Variants in TTC28 observed in about 807,000 individuals in gnomAD.
TTC28 encodes the protein tetratricopeptide repeat domain 28.
In TTC28, 61 loss-of-function variants were observed where a neutral mutation model predicts 198.0. The observed-to-expected ratio is 0.31, with a 90% CI of 0.25 to 0.38. The LOEUF (loss-of-function observed/expected upper bound fraction) is 0.38. TTC28 is among the 10% of genes least tolerant of loss of function. The pLI is 1.00. For missense variants in TTC28, 2,678 were observed against 3,164.0 expected, an observed-to-expected ratio of 0.85 and a Z score of 3.69; for synonymous variants, 1,171 against 1,297.8, an observed-to-expected ratio of 0.90 and a Z score of 2.10.
intron 2 of TTC28, among the ~76,000 whole-genome samples, chr22:28,417,567 C>T (rs150597407): frequency 5.9e-5 from 9 of 152,192 alleles, no homozygotes; most frequent in East Asian, 3.9e-4. Flanking sequence ...CTGACTTAGA[C>T]GACTCAGGAA....
chr22:28,130,723 G>C (rs1009365464), intron 6 of TTC28, among the ~76,000 whole-genome samples: 1 of 152,218 alleles, frequency 6.6e-6, no homozygotes, highest in Admixed American at 6.5e-5. Flanking sequence ...TGCTGCATGA[G>C]TGGACTGGAT....
intron 1 of TTC28, among the ~76,000 whole-genome samples, chr22:28,675,758 C>CACACACAT (rs1184781256): frequency 2.0e-5 from 3 of 151,464 alleles, no homozygotes; most frequent in Non-Finnish European, 4.4e-5. Context: ...CACACACACA[C>CACACACAT]ACACACACAC....
Position 27,983,035 on chromosome 22 carries a change from G to A in TTC28, c.6632C>T (p.Thr2211Ile), listed in dbSNP as rs1286433881. Reference protein sequence around the residue: ...SSTAVFRASETSAFSRPVLSH... With the variant: ...SSTAVFRASEISAFSRPVLSH... ...GAGAACAGGCCTGCTGAACGCACTGGTTTCTGACGCTCTGAAGACAGCAGT... is the reference window on the plus strand; with the variant it reads ...GAGAACAGGCCTGCTGAACGCACTGATTTCTGACGCTCTGAAGACAGCAGT... Residue 2211 changes from threonine to isoleucine, a missense_variant, in exon 23 of 23, where the codon ACC becomes ATC. Physicochemically the swap from Thr to Ile is moderately conservative, Grantham distance 89. Transcript: ENST00000397906. 6.4e-7 allele frequency: 1 copy of A among 1,551,688 alleles called. No individual in the cohort carries two copies. Among genetic ancestry groups the A allele is most frequent in the South Asian group, 1.2e-5 (1 of 84,060 alleles).
At chr22:28,036,039 A>G (rs553588758) in intron 12 of TTC28, among the ~76,000 whole-genome samples, 1 of 152,270 alleles carries the variant, frequency 6.6e-6, no homozygotes, top group South Asian at 2.1e-4. Context: ...GTCAATAATA[A>G]TGGGAGACTT....
At chr22:28,596,094 G>C (rs956603446) in intron 2 of TTC28, among the ~76,000 whole-genome samples, 4 of 152,130 alleles carry the variant, frequency 2.6e-5, no homozygotes, top group Non-Finnish European at 5.9e-5. Context: ...AATTGAAATA[G>C]AATGATGTGA....
chr22:28,203,662 A>C, intron 5 of TTC28, among the ~76,000 whole-genome samples: 1 of 152,142 alleles, frequency 6.6e-6, no homozygotes, highest in African/African-American at 2.4e-5. Context: ...AACGTGCAGA[A>C]GATTTTTTAA....
chr22:28,164,226 C>T lies in TTC28; in HGVS notation c.934-627G>A, dbSNP rs116547073. ...AGACTCCACCTCTGGGAGCAGGGCA[C>T]AGACAAATAAAAGACAGCAGTAACC... is the stretch of plus-strand genomic sequence containing the variant. On this transcript the variant is annotated intron_variant, in intron 5 of 22. Coordinates refer to ENST00000397906, the MANE Select transcript of TTC28 (RefSeq NM_001145418.2). 7.2e-3 allele frequency among the ~76,000 whole-genome samples: 1,100 copies of T among 152,294 alleles called. 19 individuals carry two copies. The highest frequency in any genetic ancestry group is 0.025 in the African/African-American group (1,055 of 41,564).
intron 21 of TTC28, among the ~76,000 whole-genome samples, chr22:27,988,735 GA>G (rs1937297289): frequency 6.6e-6 from 1 of 152,110 alleles, no homozygotes; most frequent in African/African-American, 2.4e-5. Flanking sequence ...ACAGCCCACA[GA>G]TCTGCCCTGC....
intron 2 of TTC28, among the ~76,000 whole-genome samples, chr22:28,493,738 G>A (rs904820418): frequency 1.3e-5 from 2 of 152,016 alleles, no homozygotes; most frequent in Non-Finnish European, 2.9e-5. Context: ...CCAAAATATT[G>A]CAATTATGCT....
intron 5 of TTC28, among the ~76,000 whole-genome samples, chr22:28,181,179 GAAC>G (rs960535074): frequency 6.6e-6 from 1 of 152,150 alleles, no homozygotes; most frequent in African/African-American, 2.4e-5. Context: ...AGGGTTGGAA[GAAC>G]AATATGTCAG....
intron 6 of TTC28, among the ~76,000 whole-genome samples, chr22:28,123,240 G>GTTTT (rs896857365): frequency 2.0e-5 from 3 of 147,284 alleles, no homozygotes; most frequent in Non-Finnish European, 3.0e-5. Flanking sequence ...ACTGTTTCAG[G>GTTTT]TTTTTTTTTT....
intron 12 of TTC28, among the ~76,000 whole-genome samples, chr22:28,080,896 T>C (rs1941326807): frequency 6.6e-6 from 1 of 152,148 alleles, no homozygotes; most frequent in African/African-American, 2.4e-5. Context: ...GTTTTTCCTT[T>C]TGCATGTGGA....
chr22:28,287,007 G>C (rs765985728), intron 5 of TTC28, among the ~76,000 whole-genome samples: 4 of 152,086 alleles, frequency 2.6e-5, no homozygotes, highest in Non-Finnish European at 5.9e-5. Flanking sequence ...CAGAGGAAAG[G>C]AGAACTGACA....
At chr22:28,495,421 C>A (rs925257328) in intron 2 of TTC28, among the ~76,000 whole-genome samples, 4 of 152,164 alleles carry the variant, frequency 2.6e-5, no homozygotes, top group African/African-American at 9.7e-5. Flanking sequence ...ATCTGTTCCT[C>A]CAAAATTCAG....
At chr22:28,280,960 A>G (rs2044572379) in intron 5 of TTC28, among the ~76,000 whole-genome samples, 1 of 151,952 alleles carries the variant, frequency 6.6e-6, no homozygotes, top group Non-Finnish European at 1.5e-5. Context: ...GAAATAGGCC[A>G]TCATCTGTAT....
At chr22:28,156,069 G>A (rs1412420493) in intron 6 of TTC28, among the ~76,000 whole-genome samples, 1 of 152,226 alleles carries the variant, frequency 6.6e-6, no homozygotes, top group East Asian at 1.9e-4. Flanking sequence ...TAAATCAAAT[G>A]ATGACTTCAG....
intron 12 of TTC28, among the ~76,000 whole-genome samples, chr22:28,048,085 T>A (rs1443764816): frequency 6.6e-6 from 1 of 151,882 alleles, no homozygotes; most frequent in East Asian, 1.9e-4. Flanking sequence ...CCTAGGAGGT[T>A]TTTTTCTGCT....
intron 3 of TTC28, among the ~76,000 whole-genome samples, chr22:28,301,983 A>G (rs2045037265): frequency 6.6e-6 from 1 of 151,988 alleles, no homozygotes. Flanking sequence ...GGCTGCAGTG[A>G]GCCATGACCA....
chr22:28,519,517 G>A (rs1002315468), intron 2 of TTC28, among the ~76,000 whole-genome samples: 1 of 152,186 alleles, frequency 6.6e-6, no homozygotes, highest in Non-Finnish European at 1.5e-5. Context: ...AGTTTGCACA[G>A]AAATAACTTG....
Sources: gnomAD v4.1 joint callset for allele counts (sites outside exome capture counted in the v4.1 genomes callset) on GRCh38, gnomAD v4.1.1 for gene constraint, MANE v1.5 for transcripts, NCBI Gene and HGNC (gene_info 2026-07-23, HGNC 2026-07-21) for gene names.